The following CDH13 variants were observed in gnomAD, a reference collection of about 807,000 sequenced individuals.
CDH13 encodes the protein cadherin 13, also known as cadherin-13.
Under a neutral mutation model 63.8 loss-of-function variants are expected in CDH13, and 24 were observed. The ratio of observed to expected loss-of-function variants is 0.38; its 90% CI spans 0.27 to 0.53. The LOEUF is 0.53. Among genes scored for constraint, CDH13 ranks in the 20% least tolerant of loss-of-function variants. The pLI, the probability that CDH13 is intolerant of heterozygous loss-of-function variation, is 0.85. For missense variants in CDH13, 1,049 were observed against 903.1 expected (o/e 1.16, Z -2.07); for synonymous variants, 503 against 355.3 (o/e 1.42, Z -4.67).
chr16:83,574,302 C>G (rs1343393972), intron 7 of CDH13, among the ~76,000 whole-genome samples: 1 of 152,192 alleles, frequency 6.6e-6, no homozygotes, highest in Non-Finnish European at 1.5e-5. Flanking sequence ...TGCTCATGCA[C>G]TTGAGCTTGC....
intron 1 of CDH13, among the ~76,000 whole-genome samples, chr16:82,765,576 T>C (rs1210616117): frequency 1.3e-5 from 2 of 152,178 alleles, no homozygotes. Flanking sequence ...TGTGCACGGG[T>C]ATTTATGATG....
chr16:83,768,465 C>G (rs1319743441), intron 11 of CDH13, among the ~76,000 whole-genome samples: 1 of 152,128 alleles, frequency 6.6e-6, no homozygotes, highest in Non-Finnish European at 1.5e-5. Context: ...CAGGTTTAAT[C>G]ATAGTGTTAA....
intron 10 of CDH13, among the ~76,000 whole-genome samples, chr16:83,731,187 G>A (rs7202560): frequency 0.017 from 2,554 of 152,270 alleles, 72 homozygotes; most frequent in African/African-American, 0.058. Flanking sequence ...CCCAGTAGTA[G>A]GATTGCTGAG....
At chr16:83,465,051 C>A (rs540203928) in intron 6 of CDH13, among the ~76,000 whole-genome samples, 176 of 152,274 alleles carry the variant, frequency 1.2e-3, no homozygotes, top group Non-Finnish European at 1.8e-3. Context: ...TTCATTTTTT[C>A]CACAAGCATT....
chr16:82,739,627 G>A (rs1185411799), intron 1 of CDH13, among the ~76,000 whole-genome samples: 1 of 152,092 alleles, frequency 6.6e-6, no homozygotes, highest in African/African-American at 2.4e-5. Flanking sequence ...GAAGACACGG[G>A]AATTTGCCTT....
chr16:82,953,643 A>G (rs1165928996), intron 2 of CDH13: 1 of 152,186 alleles, frequency 6.6e-6, no homozygotes, highest in African/African-American at 2.4e-5. Flanking sequence ...ATTATTACTT[A>G]ATCTGTGCAG....
chr16:82,950,004 A>G (rs994957128), intron 2 of CDH13, among the ~76,000 whole-genome samples: 1 of 152,094 alleles, frequency 6.6e-6, no homozygotes, highest in Non-Finnish European at 1.5e-5. Context: ...TCAAGCAGGT[A>G]AGAAAAGGGA....
At chr16:82,794,201 TC>T (rs2036466611) in intron 1 of CDH13, among the ~76,000 whole-genome samples, 1 of 151,322 alleles carries the variant, frequency 6.6e-6, no homozygotes, top group African/African-American at 2.4e-5. Context: ...TTTTAGTTCA[TC>T]AGCTGTCGTT....
At chr16:82,856,591 A>C (rs532035030) in intron 1 of CDH13, among the ~76,000 whole-genome samples, 66 of 145,282 alleles carry the variant, frequency 4.5e-4, no homozygotes, top group African/African-American at 1.5e-3. Context: ...AGTCTCAGCT[A>C]CTTGGGAGGC....
chr16:83,686,577 G>T (rs1261812601), intron 10 of CDH13, among the ~76,000 whole-genome samples: 6 of 152,192 alleles, frequency 3.9e-5, no homozygotes, highest in African/African-American at 1.4e-4. Context: ...CAAACTATTT[G>T]TAGCTCTCAC....
chr16:83,382,813 T>C (rs1238866758), intron 6 of CDH13, among the ~76,000 whole-genome samples: 1 of 152,196 alleles, frequency 6.6e-6, no homozygotes, highest in Non-Finnish European at 1.5e-5. Flanking sequence ...ATGGTTCTCA[T>C]CTGGAGCTGA....
intron 5 of CDH13, among the ~76,000 whole-genome samples, chr16:83,343,215 C>T (rs1486196426): frequency 6.6e-6 from 1 of 152,116 alleles, no homozygotes; most frequent in East Asian, 1.9e-4. Flanking sequence ...TACCTGGTTT[C>T]ATTTTGCTCA....
intron 3 of CDH13, among the ~76,000 whole-genome samples, chr16:83,077,843 T>C (rs1214007518): frequency 6.6e-6 from 1 of 152,210 alleles, no homozygotes. Context: ...CAGTGACGGC[T>C]TTGCATCCTC....
chr16:83,387,838 G>A (rs1213485083), intron 6 of CDH13, among the ~76,000 whole-genome samples: 1 of 152,096 alleles, frequency 6.6e-6, no homozygotes, highest in African/African-American at 2.4e-5. Flanking sequence ...CTTTGCCTTG[G>A]TTTGCAGTGT....
chr16:83,493,952 C>G (rs1273057712), intron 7 of CDH13, among the ~76,000 whole-genome samples: 1 of 152,202 alleles, frequency 6.6e-6, no homozygotes, highest in Non-Finnish European at 1.5e-5. Context: ...AATCTAAATT[C>G]TGAGCTTGTT....
intron 1 of CDH13, among the ~76,000 whole-genome samples, chr16:82,758,898 C>T (rs937819004): frequency 2.0e-5 from 3 of 152,160 alleles, no homozygotes; most frequent in Non-Finnish European, 4.4e-5. Flanking sequence ...TCTGAAGCCT[C>T]GGCCAGTCTT....
chr16:83,707,463 T>G (rs1336537519), intron 10 of CDH13, among the ~76,000 whole-genome samples: 1 of 152,252 alleles, frequency 6.6e-6, no homozygotes, highest in Non-Finnish European at 1.5e-5. Context: ...ATTCACTGAA[T>G]GCTTTTAAGT....
Position 83,775,373 on chromosome 16 carries a change from C to G in CDH13, c.1682-4595C>G, listed in dbSNP as rs141347501. Reference sequence around the variant, plus strand: ...CAATTGGAAACTCACCTCCCAACCACGTTGAAGACCTGAAAGCTGGAATGG... The same window carrying G: ...CAATTGGAAACTCACCTCCCAACCAGGTTGAAGACCTGAAAGCTGGAATGG... On this transcript the variant is annotated intron_variant, in intron 11 of 13. Coordinates refer to ENST00000567109, the MANE Select transcript of CDH13 (RefSeq NM_001257.5). Among the ~76,000 whole-genome samples, 257 of 150,466 alleles carry G rather than the reference C, an allele frequency of 1.7e-3. 17 individuals carry two copies. The highest frequency in any genetic ancestry group is 0.013 in the Admixed American group (184 of 14,038).
chr16:83,506,364 C>T (rs1182853029), intron 7 of CDH13, among the ~76,000 whole-genome samples: 3 of 152,178 alleles, frequency 2.0e-5, no homozygotes, highest in Non-Finnish European at 4.4e-5. Flanking sequence ...CTGACTCCTG[C>T]ACTCAAATCC....
Sources: allele counts gnomAD v4.1 joint callset (sites outside exome capture counted in the v4.1 genomes callset), GRCh38; gene constraint gnomAD v4.1.1; transcripts MANE v1.5; gene names NCBI Gene and HGNC (gene_info 2026-07-23, HGNC 2026-07-21).